Variants in RAD50 observed in about 807,000 individuals in gnomAD.
The protein encoded by RAD50 is DNA repair protein RAD50.
RAD50 carries 132 observed loss-of-function variants against 168.8 expected under a neutral mutation model. The ratio of observed to expected loss-of-function variants is 0.78; its 90% confidence interval spans 0.68 to 0.90. The LOEUF is 0.90. Among genes scored for constraint, RAD50 ranks in the 40% least tolerant of loss-of-function variants. The pLI is 0.00. For synonymous variants in RAD50, 525 were observed against 497.4 expected (o/e 1.06, Z -0.74); for missense variants, 1,347 against 1,534.4 (o/e 0.88, Z 2.04).
At position 132,638,080 on chromosome 5, in the gene RAD50, G is replaced by C. The variant is rs151131414; in HGVS notation, c.3476-1G>C. On this transcript the variant is annotated splice_acceptor_variant, in intron 22 of 24. Coordinates refer to ENST00000378823, the MANE Select transcript of RAD50 (RefSeq NM_005732.4). LOFTEE classifies it high-confidence loss of function. The stretch of plus-strand genomic sequence containing the variant: ...CTAAAATATTCTTCTTCCTGTGTCA[G>C]ATATTGAATACATAGAAATACGGTC... 1 of 1,613,968 alleles carries C rather than the reference G, an allele frequency of 6.2e-7. No individual in the cohort carries two copies. The highest frequency in any genetic ancestry group is 8.5e-7 in the Non-Finnish European group (1 of 1,179,866).
chr5:132,605,208 C>G (rs565001606), intron 16 of RAD50, among the ~76,000 whole-genome samples: 42 of 152,268 alleles, frequency 2.8e-4, no homozygotes, highest in African/African-American at 9.1e-4. Context: ...CCATGCCTGG[C>G]TAATTTTTGT....
chr5:132,560,990 G>A (rs1750115511), intron 2 of RAD50, among the ~76,000 whole-genome samples: 1 of 152,072 alleles, frequency 6.6e-6, no homozygotes, highest in African/African-American at 2.4e-5. Flanking sequence ...CACTAAAAGT[G>A]CCTTTGTAAG....
Position 132,589,755 on chromosome 5 carries a change from T to C in RAD50, c.1370T>C (p.Leu457Pro), listed in dbSNP as rs1422355694. ...SEILSKKQNELKNVKYELQQL... is the reference protein window; with the variant it reads ...SEILSKKQNEPKNVKYELQQL... ...ATCCTAAGTAAGAAGCAGAATGAGC[T>C]GAAAAATGTGAAGTATGAATTACAG... The change falls in exon 9 of 25, where the codon CTG (leucine) becomes CCG (proline). Residue 457 changes from leucine to proline, a missense_variant. Transcript: ENST00000378823. 1 of 1,613,698 alleles carries C rather than the reference T, an allele frequency of 6.2e-7. No individual in the cohort carries two copies. Among genetic ancestry groups the C allele is most frequent in the African/African-American group, 1.3e-5 (1 of 75,018 alleles).
Position 132,576,289 on chromosome 5 carries a change from A to C in RAD50, c.365+361A>C, listed in dbSNP as rs549498713. Among the ~76,000 whole-genome samples, 181 of 152,346 alleles carry C rather than the reference A, an allele frequency of 1.2e-3. 1 individual carries two copies. Among genetic ancestry groups the C allele is most frequent in the African/African-American group, 4.2e-3 (174 of 41,592 alleles). On this transcript the variant is annotated intron_variant, in intron 3 of 24. Coordinates refer to ENST00000378823, the MANE Select transcript of RAD50 (RefSeq NM_005732.4). ...TGAAAGCACATAATCACTCAAATAC[A>C]GGTTGAATGAGTAAAAAATTCTAGT...
At chr5:132,599,439 G>A (rs1750847701) in intron 13 of RAD50, among the ~76,000 whole-genome samples, 1 of 152,228 alleles carries the variant, frequency 6.6e-6, no homozygotes, top group South Asian at 2.1e-4. Flanking sequence ...GGAGAAGGAT[G>A]AGTTTGGGAC....
rs1554099986 is a variant in RAD50, at chr5:132,619,855, GATATATATATATAAAGAT to G, written c.3389+1575_3389+1592del. Among the ~76,000 whole-genome samples the G allele has an allele frequency of 7.3e-5, 7 of 96,134 alleles. 1 individual carries two copies. The highest frequency in any genetic ancestry group is 2.6e-4 in the African/African-American group (6 of 22,838). 63.1% of individuals were successfully genotyped at this position (96,134 alleles called of 152,430 possible). ...CTCTCTCTATATATATATATATAAA[GATATATATATATAAAGAT>G]ATATATATATATAGAGAGAGAGAGA... On this transcript the variant is annotated intron_variant, in intron 21 of 24. Transcript: ENST00000378823.
At chr5:132,581,731 A>G (rs1750508204) in intron 5 of RAD50, among the ~76,000 whole-genome samples, 2 of 152,230 alleles carry the variant, frequency 1.3e-5, no homozygotes, top group African/African-American at 4.8e-5. Context: ...GGGTCAGATT[A>G]TAGAAAGCTA....
chr5:132,618,589 G>A (rs1348206908), intron 21 of RAD50, among the ~76,000 whole-genome samples: 1 of 152,080 alleles, frequency 6.6e-6, no homozygotes, highest in Non-Finnish European at 1.5e-5. Flanking sequence ...TGTAGGTCAG[G>A]CTGGTCTCGA....
At chr5:132,637,343 G>A in intron 22 of RAD50, 143 bp downstream of exon 22, 1 of 1,445,590 alleles carries the variant, frequency 6.9e-7, no homozygotes, top group Non-Finnish European at 9.3e-7. Flanking sequence ...TTCTTATCTT[G>A]GCAACATCTT....
intron 21 of RAD50, among the ~76,000 whole-genome samples, chr5:132,619,532 T>C (rs1751238320): frequency 6.6e-6 from 1 of 152,142 alleles, no homozygotes. Context: ...CCCAAAGTGC[T>C]GGGGTCACAG....
intron 14 of RAD50, 145 bp from the exon 15 acceptor site, chr5:132,603,775 A>G: frequency 1.2e-6 from 1 of 830,090 alleles, no homozygotes; most frequent in South Asian, 1.8e-5. Flanking sequence ...TTTCACTTTT[A>G]TCCTATTAAA....
intron 24 of RAD50, 115 bp downstream of exon 24, chr5:132,640,920 T>C (rs1244327987): frequency 1.7e-5 from 26 of 1,551,788 alleles, no homozygotes; most frequent in Non-Finnish European, 2.3e-5. Flanking sequence ...CTAGCTGTGT[T>C]CCCCACTTCT....
At chr5:132,588,203 A>G (rs1750631413) in intron 7 of RAD50, 114 bp downstream of exon 7, 2 of 1,196,200 alleles carry the variant, frequency 1.7e-6, no homozygotes, top group Admixed American at 2.2e-5. Flanking sequence ...TTAAAAGGCT[A>G]TACACAGTAT....
intron 21 of RAD50, among the ~76,000 whole-genome samples, chr5:132,622,574 T>G (rs777214624): frequency 2.6e-5 from 4 of 152,230 alleles, no homozygotes; most frequent in Non-Finnish European, 5.9e-5. Flanking sequence ...TGTGAGCCAC[T>G]GTGCCAGGCT....
intron 10 of RAD50, 102 bp downstream of exon 10, chr5:132,591,508 T>G: frequency 8.4e-7 from 1 of 1,192,462 alleles, no homozygotes; most frequent in African/African-American, 1.5e-5. Flanking sequence ...TGGTATTGAC[T>G]ATATTTTAGA....
At position 132,604,027 on chromosome 5, in the gene RAD50, A is replaced by G. The variant is rs996373843; in HGVS notation, c.2505A>G (p.Lys835=). 1 of 1,613,748 alleles carries G rather than the reference A, an allele frequency of 6.2e-7. No homozygotes were observed. Among genetic ancestry groups the G allele is most frequent in the Admixed American group, 1.7e-5 (1 of 60,008 alleles). ...VQQVNQEKQE[K]QHKLDTVSSK... is the part of the protein sequence containing the mutation. ...AAGTCAACCAGGAGAAACAAGAGAA[A>G]CAGCACAAGTTAGACACAGGTAATA... is the stretch of plus-strand genomic sequence containing the variant. Residue 835 remains lysine, a synonymous_variant, in exon 15 of 25, where the codon AAA becomes AAG. Coordinates refer to ENST00000378823, the MANE Select transcript of RAD50 (RefSeq NM_005732.4).
chr5:132,568,439 T>TA (rs1334087206), intron 2 of RAD50, among the ~76,000 whole-genome samples: 4 of 151,968 alleles, frequency 2.6e-5, no homozygotes, highest in Non-Finnish European at 5.9e-5. Flanking sequence ...AAGATGGACA[T>TA]AATGTGTGGG....
At chr5:132,621,830 C>T (rs1480796202) in intron 21 of RAD50, among the ~76,000 whole-genome samples, 1 of 152,104 alleles carries the variant, frequency 6.6e-6, no homozygotes, top group Non-Finnish European at 1.5e-5. Context: ...TGTGTCTAGA[C>T]TCAGCTTTAG....
intron 23 of RAD50, among the ~76,000 whole-genome samples, chr5:132,640,160 A>G (rs1751686600): frequency 6.6e-6 from 1 of 152,086 alleles, no homozygotes; most frequent in African/African-American, 2.4e-5. Flanking sequence ...TGATACTTTG[A>G]CCTAGGATTT....
Sources: allele counts gnomAD v4.1 joint callset (sites outside exome capture counted in the v4.1 genomes callset), GRCh38; gene constraint gnomAD v4.1.1; transcripts MANE v1.5; gene names NCBI Gene and HGNC (gene_info 2026-07-23, HGNC 2026-07-21).